VKORC1L1: variants seen among roughly 807,000 people sequenced by gnomAD.
VKORC1L1 encodes the protein vitamin K epoxide reductase complex subunit 1-like protein 1.
A neutral mutation model predicts 18.9 loss-of-function variants in VKORC1L1; 2 were observed. That is an observed-to-expected ratio of 0.11 (90% CI 0.04 to 0.33). The LOEUF (loss-of-function observed/expected upper bound fraction) is 0.33. Among genes scored for constraint, VKORC1L1 ranks in the 10% least tolerant of loss-of-function variants. VKORC1L1 has a pLI of 1.00. For missense variants in VKORC1L1, 123 were observed against 224.1 expected (o/e 0.55, Z 2.88); for synonymous variants, 96 against 100.0 (o/e 0.96, Z 0.24).
intron 1 of VKORC1L1, among the ~76,000 whole-genome samples, chr7:65,874,713 G>A (rs1351107861): frequency 6.6e-6 from 1 of 152,038 alleles, no homozygotes; most frequent in Non-Finnish European, 1.5e-5. Context: ...GGCTGAGGCA[G>A]GAGAATTGCT....
In VKORC1L1 at chr7:65,895,483, ATATATATATATATAT is replaced by A. The variant is rs1789188851; in HGVS notation, c.194+21919_194+21933del. ...AAAAAAAAAAAAAAAAAAAAAAAATATATATATATATATATATATATATATATATATATACACACA... is the reference window on the plus strand; with the variant it reads ...AAAAAAAAAAAAAAAAAAAAAAAATAATATATATATATATATATACACACA... On this transcript the variant is annotated intron_variant, in intron 1 of 2. Transcript: ENST00000360768. Among the ~76,000 whole-genome samples the A allele has an allele frequency of 2.1e-3, 58 of 27,396 alleles. 3 individuals are homozygous for A. The East Asian group carries it at 0.053, about 25-fold the overall frequency. 18.0% of individuals were successfully genotyped at this position (27,396 alleles called of 152,430 possible). A position where few individuals can be genotyped will look rare whatever the true frequency, so the allele number is the denominator to read the frequency against.
At chr7:65,940,808 T>C (rs1420373884) in intron 1 of VKORC1L1, among the ~76,000 whole-genome samples, 1 of 152,230 alleles carries the variant, frequency 6.6e-6, no homozygotes, top group Non-Finnish European at 1.5e-5. Flanking sequence ...GGAAATATGA[T>C]GACAGCTAAT....
intron 1 of VKORC1L1, among the ~76,000 whole-genome samples, chr7:65,876,489 G>A (rs1788829333): frequency 6.7e-6 from 1 of 150,156 alleles, no homozygotes; most frequent in African/African-American, 2.5e-5. Flanking sequence ...GTGACAGAAC[G>A]AGACTCTGTC....
intron 1 of VKORC1L1, among the ~76,000 whole-genome samples, chr7:65,947,414 G>GTTT (rs58878681): frequency 7.6e-6 from 1 of 130,832 alleles, no homozygotes; most frequent in Admixed American, 7.6e-5. Context: ...ACCATAACTG[G>GTTT]TTTTTTTTTT....
chr7:65,915,082 CTTTTTTTTTTCT>C lies in VKORC1L1; in HGVS notation c.195-33578_195-33567del, dbSNP rs1255983295. Among the ~76,000 whole-genome samples, 139 of 141,090 alleles carry C rather than the reference CTTTTTTTTTTCT, an allele frequency of 9.9e-4. 1 individual carries two copies. Among genetic ancestry groups the C allele is most frequent in the Non-Finnish European group, 1.2e-3 (82 of 65,814 alleles). 92.6% of individuals were successfully genotyped at this position (141,090 alleles called of 152,430 possible). A position where few individuals can be genotyped will look rare whatever the true frequency, so the allele number is the denominator to read the frequency against. On this transcript the variant is annotated intron_variant, in intron 1 of 2. Coordinates refer to ENST00000360768, the MANE Select transcript of VKORC1L1 (RefSeq NM_173517.6). Reference sequence around the variant, plus strand: ...TTGTGATTGTGAGCTTATTTTTTTTCTTTTTTTTTTCTTTTTTTTTTTTTTTGAGACAAGAGT... The same window carrying C: ...TTGTGATTGTGAGCTTATTTTTTTTCTTTTTTTTTTTTTTGAGACAAGAGT...
Position 65,873,266 on chromosome 7 carries a change from C to CGGAGGCGGCGGTGGCGGCGGT in VKORC1L1, c.-104_-103insAGGCGGCGGTGGCGGCGGTGG, listed in dbSNP as rs1562977232. On this transcript the variant is annotated 5_prime_UTR_variant, in exon 1 of 3. Transcript: ENST00000360768. ...GCGGCGGCGGCGGCGGTGGTGGCGG[C>CGGAGGCGGCGGTGGCGGCGGT]GGCGGCGGAGGCGGCGGTGGCGGCG... 1 of 981,194 alleles carries CGGAGGCGGCGGTGGCGGCGGT rather than the reference C, an allele frequency of 1.0e-6. No homozygotes were observed. The highest frequency in any genetic ancestry group is 1.1e-4 in the East Asian group (1 of 9,006). The allele number at this position is 981,194 out of a possible 1,614,324, so 60.8% of individuals were successfully genotyped here.
At chr7:65,908,751 T>G (rs532096425) in intron 1 of VKORC1L1, among the ~76,000 whole-genome samples, 1 of 147,906 alleles carries the variant, frequency 6.8e-6, no homozygotes, top group Non-Finnish European at 1.5e-5. Flanking sequence ...GCAGGAGAAT[T>G]GCTCGAACCT....
intron 1 of VKORC1L1, among the ~76,000 whole-genome samples, chr7:65,885,805 A>G (rs1789001832): frequency 6.6e-6 from 1 of 152,152 alleles, no homozygotes; most frequent in African/African-American, 2.4e-5. Flanking sequence ...GATATCTGAT[A>G]GGGCAAATAT....
chr7:65,874,003 C>T (rs376406436), intron 1 of VKORC1L1, among the ~76,000 whole-genome samples: 7 of 152,222 alleles, frequency 4.6e-5, no homozygotes, highest in African/African-American at 1.2e-4. Flanking sequence ...AACCTCTTGT[C>T]CCCCCGATCG....
At chr7:65,940,751 A>G (rs57057549) in intron 1 of VKORC1L1, among the ~76,000 whole-genome samples, 16,678 of 152,218 alleles carry the variant, frequency 0.11, 1,075 homozygotes, top group Middle Eastern at 0.2. Context: ...AACTAAGCAA[A>G]CAAAATATAA....
intron 1 of VKORC1L1, among the ~76,000 whole-genome samples, chr7:65,933,868 C>T (rs1010123534): frequency 1.3e-5 from 2 of 152,014 alleles, no homozygotes; most frequent in African/African-American, 2.4e-5. Flanking sequence ...CATAGCCTTT[C>T]GTATTCTAGT....
At chr7:65,945,744 T>G (rs900225093) in intron 1 of VKORC1L1, among the ~76,000 whole-genome samples, 1 of 152,224 alleles carries the variant, frequency 6.6e-6, no homozygotes, top group African/African-American at 2.4e-5. Flanking sequence ...TTTGAAACCT[T>G]ATGCATGTAT....
chr7:65,873,285 G>A lies in VKORC1L1; in HGVS notation c.-87G>A. Reference sequence around the variant, plus strand: ...TGGCGGCGGCGGCGGAGGCGGCGGTGGCGGCGGTGGCGGCTGGGTCGGGCC... The same window carrying A: ...TGGCGGCGGCGGCGGAGGCGGCGGTAGCGGCGGTGGCGGCTGGGTCGGGCC... On this transcript the variant is annotated 5_prime_UTR_variant, in exon 1 of 3. Coordinates refer to ENST00000360768, the MANE Select transcript of VKORC1L1 (RefSeq NM_173517.6). The A allele has an allele frequency of 2.0e-6, 2 of 1,021,200 alleles. No individual in the cohort carries two copies. Among genetic ancestry groups the A allele is most frequent in the Non-Finnish European group, 2.3e-6 (2 of 855,850 alleles). The allele number at this position is 1,021,200 out of a possible 1,614,324, so 63.3% of individuals were successfully genotyped here.
At chr7:65,917,046 A>G (rs1789600414) in intron 1 of VKORC1L1, among the ~76,000 whole-genome samples, 1 of 152,050 alleles carries the variant, frequency 6.6e-6, no homozygotes, top group Non-Finnish European at 1.5e-5. Flanking sequence ...ATGTTAGATG[A>G]TAGTATTAGC....
At position 65,873,474 on chromosome 7, in the gene VKORC1L1, C is replaced by T; in HGVS notation, c.103C>T (p.His35Tyr). The T allele has an allele frequency of 6.3e-7, 1 of 1,596,988 alleles. No homozygotes were observed. The highest frequency in any genetic ancestry group is 1.7e-5 in the Admixed American group (1 of 59,204). ...AATCCTGCTCTCCATCTACGCCTACCACGTGGAGCGGGAGAAGGAGCGGGA... is the reference window on the plus strand; with the variant it reads ...AATCCTGCTCTCCATCTACGCCTACTACGTGGAGCGGGAGAAGGAGCGGGA... ...AGILLSIYAYHVEREKERDPE... is the reference protein window; with the variant it reads ...AGILLSIYAYYVEREKERDPE... Residue 35 changes from histidine (H) to tyrosine (Y), a missense_variant, in exon 1 of 3, where the codon CAC (histidine) becomes TAC (tyrosine). Physicochemically the swap from His to Tyr is moderately conservative, Grantham distance 83. This residue lies in a region of VKORC1L1 where 60 missense variants were observed against 76.9 expected (regional missense o/e 0.78). Coordinates refer to ENST00000360768, the MANE Select transcript of VKORC1L1 (RefSeq NM_173517.6).
At chr7:65,936,745 C>A (rs948943868) in intron 1 of VKORC1L1, among the ~76,000 whole-genome samples, 3 of 152,132 alleles carry the variant, frequency 2.0e-5, no homozygotes, top group Admixed American at 2.0e-4. Flanking sequence ...TTTTCTTCCC[C>A]ATCTCTGGCT....
intron 1 of VKORC1L1, among the ~76,000 whole-genome samples, chr7:65,943,136 T>G (rs1187277462): frequency 6.6e-6 from 1 of 152,044 alleles, no homozygotes; most frequent in Non-Finnish European, 1.5e-5. Context: ...TGGTGGCTCA[T>G]GCCTGTAATC....
chr7:65,889,585 C>T (rs1265159129), intron 1 of VKORC1L1, among the ~76,000 whole-genome samples: 1 of 152,072 alleles, frequency 6.6e-6, no homozygotes, highest in Non-Finnish European at 1.5e-5. Context: ...TTGTAATCAC[C>T]AAAGTATAAC....
chr7:65,901,581 T>C (rs1789318088), intron 1 of VKORC1L1, among the ~76,000 whole-genome samples: 1 of 152,160 alleles, frequency 6.6e-6, no homozygotes, highest in Non-Finnish European at 1.5e-5. Context: ...CCCAATTTAT[T>C]ATCTGGAGGT....
Sources: gnomAD v4.1 joint callset for allele counts (sites outside exome capture counted in the v4.1 genomes callset) on GRCh38, gnomAD v4.1.1 for gene constraint, gnomAD v4.1.1 regional missense constraint, MANE v1.5 for transcripts, NCBI Gene and HGNC (gene_info 2026-07-23, HGNC 2026-07-21) for gene names.